Variants in CSRNP3 observed in about 807,000 individuals in gnomAD.
CSRNP3 encodes cysteine and serine rich nuclear protein 3.
CSRNP3 carries 12 observed loss-of-function variants against 48.0 expected under a neutral mutation model. The ratio of observed to expected loss-of-function variants is 0.25; its 90% CI spans 0.16 to 0.41. The LOEUF (loss-of-function observed/expected upper bound fraction) is 0.41, where lower values mean the gene tolerates loss of function less well. Ranked by LOEUF, CSRNP3 falls within the 10% of genes least tolerant of loss-of-function variation. The pLI is 1.00. For synonymous variants in CSRNP3, 263 were observed against 269.7 expected, an observed-to-expected ratio of 0.98 and a Z score of 0.24; for missense variants, 580 against 724.4, an observed-to-expected ratio of 0.80 and a Z score of 2.29.
At chr2:165,634,714 G>T (rs184420617) in intron 4 of CSRNP3, among the ~76,000 whole-genome samples, 1 of 152,238 alleles carries the variant, frequency 6.6e-6, no homozygotes, top group Non-Finnish European at 1.5e-5. Flanking sequence ...ATAATTTAAA[G>T]ATCAGTGAAG....
At chr2:165,670,807 A>C (rs1302917150) in intron 5 of CSRNP3, among the ~76,000 whole-genome samples, 1 of 152,142 alleles carries the variant, frequency 6.6e-6, no homozygotes, top group Non-Finnish European at 1.5e-5. Context: ...AAATAAAAAC[A>C]GATTTAAGAG....
chr2:165,686,651 GTA>G lies in CSRNP3; in HGVS notation c.*6900_*6901del, dbSNP rs972698292. The stretch of plus-strand genomic sequence containing the variant: ...GTGTTGATCCTTGAGTTATTTAATG[GTA>G]TCCAAATGATATCTGAAAGTGATTG... On this transcript the variant is annotated 3_prime_UTR_variant, in exon 7 of 7. Transcript: ENST00000651982. The G allele has an allele frequency of 6.6e-6, 1 of 151,868 alleles. No individual in the cohort carries two copies. Among genetic ancestry groups the G allele is most frequent in the African/African-American group, 2.4e-5 (1 of 41,348 alleles). The allele number at this position is 151,868 out of a possible 1,614,324, so 9.4% of individuals were successfully genotyped here.
At position 165,537,006 on chromosome 2, in the gene CSRNP3, A is replaced by G. The variant is rs570865571; in HGVS notation, c.-24+19045A>G. On this transcript the variant is annotated intron_variant, in intron 3 of 6. Transcript: ENST00000651982. ...AAGGGAAATTGAAACCAGGATACAT[A>G]AAACAAACACTCAAACAGGAAACTC... Among the ~76,000 whole-genome samples the G allele has an allele frequency of 2.0e-5, 3 of 151,982 alleles. No homozygotes were observed. The East Asian group carries it at 5.8e-4, about 29-fold the overall frequency.
At chr2:165,489,970 A>T (rs1415391151) in intron 1 of CSRNP3, among the ~76,000 whole-genome samples, 1 of 152,074 alleles carries the variant, frequency 6.6e-6, no homozygotes, top group Admixed American at 6.6e-5. Context: ...GGAGAAGAAA[A>T]TAAAAGGTAT....
chr2:165,616,728 G>A (rs1438260192), intron 4 of CSRNP3, among the ~76,000 whole-genome samples: 1 of 152,118 alleles, frequency 6.6e-6, no homozygotes, highest in Admixed American at 6.6e-5. Flanking sequence ...ATGTCTCTTG[G>A]AGAGAATCTT....
chr2:165,666,930 GAGAA>G (rs1362881891), intron 5 of CSRNP3, among the ~76,000 whole-genome samples: 2 of 126,208 alleles, frequency 1.6e-5, no homozygotes, highest in Admixed American at 1.6e-4. Context: ...GGAGGAAAGA[GAGAA>G]GAAGAAAGAA....
intron 3 of CSRNP3, among the ~76,000 whole-genome samples, chr2:165,583,314 A>G (rs1685577125): frequency 6.6e-6 from 1 of 152,210 alleles, no homozygotes; most frequent in African/African-American, 2.4e-5. Context: ...ACTCAGGGGT[A>G]ATTGTTTGAA....
At chr2:165,482,023 T>C (rs28601854) in intron 1 of CSRNP3, among the ~76,000 whole-genome samples, 55,712 of 151,774 alleles carry the variant, frequency 0.37, 10,335 homozygotes, top group African/African-American at 0.43. Context: ...ACCAAGCCCC[T>C]GTGACATACA....
At chr2:165,495,186 A>G (rs1298550275) in intron 2 of CSRNP3, among the ~76,000 whole-genome samples, 1 of 152,054 alleles carries the variant, frequency 6.6e-6, no homozygotes, top group African/African-American at 2.4e-5. Flanking sequence ...TAATTTAATG[A>G]GTGTCTTCAG....
intron 1 of CSRNP3, among the ~76,000 whole-genome samples, chr2:165,491,989 G>T (rs572891302): frequency 6.7e-6 from 1 of 148,906 alleles, no homozygotes; most frequent in South Asian, 2.1e-4. Context: ...ACCAGAGATG[G>T]TCCTAGATGA....
At position 165,609,700 on chromosome 2, in the gene CSRNP3, G is replaced by A. The variant is rs533000714; in HGVS notation, c.148+14487G>A. On this transcript the variant is annotated intron_variant, in intron 4 of 6. Coordinates refer to ENST00000651982, the MANE Select transcript of CSRNP3 (RefSeq NM_001172173.2). ...ATTGATATTTTCAAGGAGGGACATCGTACATTTTATTAATAGTTATTCAGA... is the reference window on the plus strand; with the variant it reads ...ATTGATATTTTCAAGGAGGGACATCATACATTTTATTAATAGTTATTCAGA... Among the ~76,000 whole-genome samples the A allele has an allele frequency of 2.6e-5, 4 of 152,206 alleles. No homozygotes were observed. In the South Asian group the frequency reaches 8.3e-4, roughly 32 times the overall value.
Position 165,679,696 on chromosome 2 carries a change from G to C in CSRNP3, c.1701G>C (p.Lys567Asn). Residue 567 changes from lysine to asparagine, a missense_variant, in exon 7 of 7, where the codon AAG becomes AAC. Physicochemically the swap from Lys to Asn is moderately conservative, Grantham distance 94 (BLOSUM62 0). This residue lies in a region of CSRNP3 where 369 missense variants were observed against 380.8 expected (regional missense o/e 0.97). Coordinates refer to ENST00000651982, the MANE Select transcript of CSRNP3 (RefSeq NM_001172173.2). Reference sequence around the variant, plus strand: ...AAAATTCTTTGAGCCTTGCAGAAAAGAGCATATTGCATGAAGAGTGCATCA... The same window carrying C: ...AAAATTCTTTGAGCCTTGCAGAAAACAGCATATTGCATGAAGAGTGCATCA... The part of the protein sequence containing the change: ...PAENSLSLAE[K>N]SILHEECIKS... 6.2e-7 allele frequency: 1 copy of C among 1,614,108 alleles called. No individual in the cohort carries two copies. The highest frequency in any genetic ancestry group is 1.1e-5 in the South Asian group (1 of 91,078).
At chr2:165,482,410 C>T (rs1276509459) in intron 1 of CSRNP3, among the ~76,000 whole-genome samples, 5 of 151,998 alleles carry the variant, frequency 3.3e-5, no homozygotes, top group African/African-American at 7.2e-5. Context: ...ACTACAGGCA[C>T]GCCCCACTAC....
chr2:165,686,217 C>T lies in CSRNP3; in HGVS notation c.*6464C>T, dbSNP rs891350406. 3.3e-5 allele frequency: 5 copies of T among 152,008 alleles called. No homozygotes were observed. Among genetic ancestry groups the T allele is most frequent in the Non-Finnish European group, 5.9e-5 (4 of 67,966 alleles). The allele number at this position is 152,008 out of a possible 1,614,324, so 9.4% of individuals were successfully genotyped here. Reference sequence around the variant, plus strand: ...TAAATTTATCTAGGTACTTGTATCACCAGAGACCTTCATCAAGTCCTACTG... The same window carrying T: ...TAAATTTATCTAGGTACTTGTATCATCAGAGACCTTCATCAAGTCCTACTG... On this transcript the variant is annotated 3_prime_UTR_variant, in exon 7 of 7. Coordinates refer to ENST00000651982, the MANE Select transcript of CSRNP3 (RefSeq NM_001172173.2).
chr2:165,647,288 C>T (rs796151918), intron 4 of CSRNP3, among the ~76,000 whole-genome samples: 1 of 152,024 alleles, frequency 6.6e-6, no homozygotes, highest in Non-Finnish European at 1.5e-5. Flanking sequence ...GACTTTAAAT[C>T]GATTACATTA....
At chr2:165,673,021 G>C (rs1687355470) in intron 5 of CSRNP3, among the ~76,000 whole-genome samples, 1 of 151,000 alleles carries the variant, frequency 6.6e-6, no homozygotes, top group Non-Finnish European at 1.5e-5. Context: ...ATGATATTGA[G>C]ATGATGAAGA....
At chr2:165,555,467 A>G (rs1362749376) in intron 3 of CSRNP3, among the ~76,000 whole-genome samples, 4 of 152,206 alleles carry the variant, frequency 2.6e-5, no homozygotes, top group Non-Finnish European at 5.9e-5. Context: ...AATGCGAGCA[A>G]TATGACTCCT....
At chr2:165,629,301 A>G (rs1476616159) in intron 4 of CSRNP3, among the ~76,000 whole-genome samples, 3 of 152,176 alleles carry the variant, frequency 2.0e-5, no homozygotes, top group Non-Finnish European at 4.4e-5. Context: ...CTGCGTACAG[A>G]TAGAGGACAA....
At chr2:165,673,705 C>T (rs1043068812) in intron 5 of CSRNP3, among the ~76,000 whole-genome samples, 2 of 152,086 alleles carry the variant, frequency 1.3e-5, no homozygotes, top group African/African-American at 2.4e-5. Context: ...CTGATAACAA[C>T]CATTTTTTAA....
Sources: gnomAD v4.1 joint callset for allele counts (sites outside exome capture counted in the v4.1 genomes callset) on GRCh38, gnomAD v4.1.1 for gene constraint, gnomAD v4.1.1 regional missense constraint, MANE v1.5 for transcripts, NCBI Gene and HGNC (gene_info 2026-07-23, HGNC 2026-07-21) for gene names.